The following ANGPT4 variants were observed in gnomAD, a reference collection of about 807,000 sequenced individuals.
The protein encoded by ANGPT4 is angiopoietin-4.
ANGPT4 carries 50 observed loss-of-function variants against 53.0 expected under a neutral mutation model. The observed-to-expected ratio is 0.94, with a 90% CI of 0.75 to 1.20. The LOEUF (loss-of-function observed/expected upper bound fraction) is 1.20, where lower values mean the gene tolerates loss of function less well. Ranked by LOEUF, ANGPT4 falls within the 50% of genes most tolerant of loss-of-function variation. ANGPT4 has a pLI of 0.00. For missense variants in ANGPT4, 648 were observed against 637.1 expected, an observed-to-expected ratio of 1.02 and a Z score of -0.18; for synonymous variants, 251 against 259.7, an observed-to-expected ratio of 0.97 and a Z score of 0.32.
intron 8 of ANGPT4, 105 bp from the exon 9 acceptor site, chr20:873,225 T>G: frequency 2.7e-6 from 2 of 741,524 alleles, no homozygotes; most frequent in South Asian, 1.9e-5. Context: ...TCGGGGCTGT[T>G]GCCTCCTCTG....
intron 7 of ANGPT4, among the ~76,000 whole-genome samples, chr20:876,192 G>T (rs1158158807): frequency 6.6e-6 from 1 of 151,274 alleles, no homozygotes; most frequent in African/African-American, 2.4e-5. Context: ...GGAGGCAAGT[G>T]GGTGGCAGAT....
At position 888,319 on chromosome 20, in the gene ANGPT4, T is replaced by A. The variant is rs1032372215; in HGVS notation, c.586A>T (p.Ser196Cys). ...QKLQQLQGQN[S>C]ALEKRLQALE... is the part of the protein sequence containing the mutation. ...TCTGGTGCCAGGTGCCACACCCACC[T>A]GTTTTGGCCCTGAAGCTGCTGGAGC... Residue 196 changes from serine (S) to cysteine (C), a missense_variant and splice_region_variant, in exon 3 of 9, where the codon AGC becomes TGC. Ser to Cys is a moderately radical substitution (Grantham distance 112, BLOSUM62 -1). Transcript: ENST00000381922. 1.9e-6 allele frequency: 3 copies of A among 1,612,682 alleles called. No individual in the cohort carries two copies. In the African/African-American group the frequency reaches 4.0e-5, roughly 22 times the overall value.
intron 5 of ANGPT4, among the ~76,000 whole-genome samples, chr20:880,683 C>T (rs1381546737): frequency 1.3e-5 from 2 of 152,194 alleles, no homozygotes; most frequent in Non-Finnish European, 2.9e-5. Flanking sequence ...GTGCTCTTCT[C>T]TGTCACCCTT....
rs1981553927 is a variant in ANGPT4, at chr20:885,009, G to A, written c.835+69C>T. ...CCCAGGCGCCCAGAGACCCTGGAGG[G>A]TGAGCAGGGTCTCCCCTCCCCTCTC... On this transcript the variant is annotated intron_variant, in intron 4 of 8. Coordinates refer to ENST00000381922, the MANE Select transcript of ANGPT4 (RefSeq NM_015985.4). The A allele has an allele frequency of 2.5e-6, 4 of 1,590,270 alleles. No homozygotes were observed. The South Asian group carries it at 3.4e-5, about 14-fold the overall frequency.
rs1345231855 is a variant in ANGPT4, at chr20:870,325, T to G, written c.*2635A>C. On this transcript the variant is annotated 3_prime_UTR_variant, in exon 9 of 9. Coordinates refer to ENST00000381922, the MANE Select transcript of ANGPT4 (RefSeq NM_015985.4). ...AGGTGGATCACATGAGGCCAGGAGT[T>G]TGAGACCAGCCTGGCCAACATGGTG... The G allele has an allele frequency of 6.6e-6, 1 of 152,014 alleles. No homozygotes were observed. The highest frequency in any genetic ancestry group is 2.4e-5 in the African/African-American group (1 of 41,368). The allele number at this position is 152,014 out of a possible 1,614,324, so 9.4% of individuals were successfully genotyped here.
chr20:913,584 C>A (rs1982793844), intron 1 of ANGPT4, among the ~76,000 whole-genome samples: 1 of 152,210 alleles, frequency 6.6e-6, no homozygotes, highest in Non-Finnish European at 1.5e-5. Flanking sequence ...AGGTGACCTT[C>A]TGATCCTGCA....
At chr20:897,767 T>C (rs1982114885) in intron 1 of ANGPT4, among the ~76,000 whole-genome samples, 1 of 152,198 alleles carries the variant, frequency 6.6e-6, no homozygotes, top group African/African-American at 2.4e-5. Flanking sequence ...CTCTTCACTG[T>C]GGTCAACCTT....
chr20:905,849 A>T (rs562624688), intron 1 of ANGPT4, among the ~76,000 whole-genome samples: 11 of 152,170 alleles, frequency 7.2e-5, no homozygotes, highest in Non-Finnish European at 1.2e-4. Flanking sequence ...CCCAGGCATG[A>T]CCCCAAGGCC....
At chr20:910,097 T>G (rs1982642027) in intron 1 of ANGPT4, among the ~76,000 whole-genome samples, 1 of 152,220 alleles carries the variant, frequency 6.6e-6, no homozygotes, top group Non-Finnish European at 1.5e-5. Context: ...AAAACTGGCT[T>G]AAGTTCTGAG....
rs748449531 is a variant in ANGPT4, at chr20:881,213, A to G, written c.909T>C (p.Gly303=). The G allele has an allele frequency of 1.2e-6, 2 of 1,611,872 alleles. No homozygotes were observed. Among genetic ancestry groups the G allele is most frequent in the Non-Finnish European group, 1.7e-6 (2 of 1,178,864 alleles). ...EIQRSGASAS[G]VYTIQVSNAT... ...CATTGGACACCTGGATGGTGTAGACACCACTGGCACTGGCCCCAGAGCGCT... is the reference window on the plus strand; with the variant it reads ...CATTGGACACCTGGATGGTGTAGACGCCACTGGCACTGGCCCCAGAGCGCT... The change falls in exon 5 of 9, where the codon GGT becomes GGC. Residue 303 remains glycine, a synonymous_variant. Coordinates refer to ENST00000381922, the MANE Select transcript of ANGPT4 (RefSeq NM_015985.4).
intron 3 of ANGPT4, 94 bp downstream of exon 3, chr20:888,224 C>G: frequency 6.7e-7 from 1 of 1,483,944 alleles, no homozygotes; most frequent in Non-Finnish European, 9.0e-7. Flanking sequence ...GCTCCAGCCC[C>G]AGTCCTAGCC....
intron 1 of ANGPT4, among the ~76,000 whole-genome samples, chr20:895,765 A>T (rs572564386): frequency 2.4e-4 from 36 of 152,340 alleles, no homozygotes; most frequent in Admixed American, 5.2e-4. Flanking sequence ...GTGTGCAAAC[A>T]CACAGATGAA....
intron 1 of ANGPT4, among the ~76,000 whole-genome samples, chr20:910,598 G>A (rs1280118753): frequency 1.3e-5 from 2 of 152,176 alleles, no homozygotes; most frequent in Non-Finnish European, 2.9e-5. Context: ...TGCAGGCTTA[G>A]GGGGCAGACC....
chr20:910,188 T>C (rs531599726), intron 1 of ANGPT4, among the ~76,000 whole-genome samples: 1 of 152,224 alleles, frequency 6.6e-6, no homozygotes, highest in Non-Finnish European at 1.5e-5. Context: ...ACCTAATCTC[T>C]TGGTGCCTCA....
In ANGPT4 at chr20:908,245, G is replaced by C. The variant is rs1982558752; in HGVS notation, c.309+7661C>G. On this transcript the variant is annotated intron_variant, in intron 1 of 8. Coordinates refer to ENST00000381922, the MANE Select transcript of ANGPT4 (RefSeq NM_015985.4). This position sits in a 1 kb window ranked among gnomAD's most constrained non-coding sequence, Gnocchi z 4.9. Reference sequence around the variant, plus strand: ...CCACGGAGAACAGGGTCAGGACCAGGGACATCTGTCTGGCTCCTGGTGAGC... The same window carrying C: ...CCACGGAGAACAGGGTCAGGACCAGCGACATCTGTCTGGCTCCTGGTGAGC... 6.6e-6 allele frequency among the ~76,000 whole-genome samples: 1 copy of C among 152,090 alleles called. No individual in the cohort carries two copies. Among genetic ancestry groups the C allele is most frequent in the Admixed American group, 6.5e-5 (1 of 15,276 alleles).
rs62641667 is a variant in ANGPT4 at position 879,810 on chromosome 20, G to T, written c.990C>A (p.Thr330=). Residue 330 remains threonine (T), a synonymous_variant, in exon 6 of 9, where the codon ACC becomes ACA. Coordinates refer to ENST00000381922, the MANE Select transcript of ANGPT4 (RefSeq NM_015985.4). The stretch of plus-strand genomic sequence containing the variant: ...TGCCATTCTCACGGCGCTGGATGAG[G>T]GTCCACCTGCCTCCACTGCTCTGCA... ...CDLQSSGGRW[T]LIQRRENGTV... 1.7e-5 allele frequency: 28 copies of T among 1,613,550 alleles called. No individual in the cohort carries two copies. The highest frequency in any genetic ancestry group is 5.0e-5 in the Admixed American group (3 of 59,970).
chr20:893,686 T>C lies in ANGPT4; in HGVS notation c.310-3318A>G, dbSNP rs575031463. Among the ~76,000 whole-genome samples, 5 of 152,292 alleles carry C rather than the reference T, an allele frequency of 3.3e-5. No individual in the cohort carries two copies. The South Asian group carries it at 1.0e-3, about 32-fold the overall frequency. ...TCAAGCCCAGTGTGAAACTCTTCAT[T>C]CCTCAGCTCCCATCGCCCCTGTCCC... On this transcript the variant is annotated intron_variant, in intron 1 of 8. Coordinates refer to ENST00000381922, the MANE Select transcript of ANGPT4 (RefSeq NM_015985.4).
intron 1 of ANGPT4, among the ~76,000 whole-genome samples, chr20:915,527 C>T (rs771630683): frequency 1.3e-5 from 2 of 152,146 alleles, no homozygotes; most frequent in Non-Finnish European, 2.9e-5. Context: ...CGCCACTTGC[C>T]CTCTTTCTTC....
chr20:877,259 T>C (rs1446558835), intron 7 of ANGPT4, among the ~76,000 whole-genome samples: 1 of 152,204 alleles, frequency 6.6e-6, no homozygotes, highest in East Asian at 1.9e-4. Context: ...ATTGCAACTA[T>C]GGAGGGAATC....
Sources: allele counts gnomAD v4.1 joint callset (sites outside exome capture counted in the v4.1 genomes callset), GRCh38; gene constraint gnomAD v4.1.1; non-coding constraint Gnocchi (gnomAD v3.1); transcripts MANE v1.5; gene names NCBI Gene and HGNC (gene_info 2026-07-23, HGNC 2026-07-21).